The following CIROZ variants were observed in gnomAD, a reference collection of about 807,000 sequenced individuals.
The protein encoded by CIROZ is ciliated left-right organizer ZP-N domains-containing protein.
the CIROZ span, among the ~76,000 whole-genome samples, chr1:10,968,530 G>A: frequency 6.6e-6 from 1 of 152,324 alleles, no homozygotes; most frequent in Non-Finnish European, 1.5e-5. Flanking sequence ...AAGGTAGCTC[G>A]CTGGGGAAAT....
chr1:10,981,931 A>C, the CIROZ span: 4 of 1,490,916 alleles, frequency 2.7e-6, no homozygotes, highest in Non-Finnish European at 3.6e-6. Context: ...TTCTGATGGA[A>C]GATATTTGGC....
the CIROZ span, chr1:10,948,213 A>G: frequency 1.2e-6 from 2 of 1,613,878 alleles, no homozygotes; most frequent in Non-Finnish European, 1.7e-6. Context: ...TGAAAGGTCC[A>G]TGTGCCCCCT....
At chr1:10,962,413 C>T in the CIROZ span, among the ~76,000 whole-genome samples, 1 of 152,208 alleles carries the variant, frequency 6.6e-6, no homozygotes, top group Non-Finnish European at 1.5e-5. Flanking sequence ...CGCCACTGCA[C>T]TCCAGCCTGG....
At chr1:10,981,506 GGGAA>G in the CIROZ span, among the ~76,000 whole-genome samples, 23 of 151,030 alleles carry the variant, frequency 1.5e-4, no homozygotes, top group African/African-American at 5.4e-4. Context: ...AGAAAGGAAA[GGGAA>G]GGAAGGAAGG....
the CIROZ span, chr1:10,949,428 C>T: frequency 1.4e-6 from 1 of 691,126 alleles, no homozygotes; most frequent in Admixed American, 2.8e-5. Context: ...CAGGTGGGAG[C>T]TCTTGGGGGC....
chr1:10,982,016 C>G, the CIROZ span: 5 of 1,537,234 alleles, frequency 3.3e-6, no homozygotes, highest in Non-Finnish European at 3.5e-6. Context: ...ACTTACCAGG[C>G]AAGTGCTGGG....
the CIROZ span, among the ~76,000 whole-genome samples, chr1:10,966,858 T>G: frequency 2.0e-5 from 3 of 151,970 alleles, no homozygotes; most frequent in Admixed American, 6.6e-5. Flanking sequence ...CTCAAACCTC[T>G]TCATTGCCGG....
the CIROZ span, among the ~76,000 whole-genome samples, chr1:10,976,919 G>A: frequency 6.6e-6 from 1 of 152,284 alleles, no homozygotes; most frequent in African/African-American, 2.4e-5. Flanking sequence ...ACTTTGGGAT[G>A]CTGAGGCAGC....
At chr1:10,967,298 A>G in the CIROZ span, among the ~76,000 whole-genome samples, 1 of 149,932 alleles carries the variant, frequency 6.7e-6, no homozygotes, top group Non-Finnish European at 1.5e-5. Flanking sequence ...ACCCACTGCT[A>G]TTTCTCAATC....
At chr1:10,968,019 G>A in the CIROZ span, among the ~76,000 whole-genome samples, 6 of 151,808 alleles carry the variant, frequency 4.0e-5, no homozygotes, top group South Asian at 2.1e-4. Context: ...TTCGTTCGGC[G>A]CGGTGGGGGG....
the CIROZ span, chr1:10,976,299 G>A: frequency 5.6e-6 from 7 of 1,253,500 alleles, no homozygotes; most frequent in Non-Finnish European, 6.7e-6. Context: ...GCACCGCCCA[G>A]CTGCTGCCTC....
chr1:10,970,081 A>G, the CIROZ span: 2 of 1,529,678 alleles, frequency 1.3e-6, no homozygotes, highest in Non-Finnish European at 1.7e-6. Flanking sequence ...GTCCAACAAG[A>G]AGATGCTTCT....
At chr1:10,961,704 G>A in the CIROZ span, among the ~76,000 whole-genome samples, 10 of 152,210 alleles carry the variant, frequency 6.6e-5, no homozygotes, top group Admixed American at 6.5e-4. Context: ...AGCATTTTGG[G>A]AGGCCAAGGC....
At chr1:10,963,995 A>T in the CIROZ span, 1 of 1,116,418 alleles carries the variant, frequency 9.0e-7, no homozygotes. Flanking sequence ...GCCATACTGC[A>T]TCTGCAGCTA....
the CIROZ span, among the ~76,000 whole-genome samples, chr1:10,980,373 C>T: frequency 6.6e-6 from 1 of 152,254 alleles, no homozygotes; most frequent in African/African-American, 2.4e-5. Context: ...TGTGGCGAGC[C>T]TCTCCCATGG....
At chr1:10,957,064 C>T in the CIROZ span, 2 of 1,550,826 alleles carry the variant, frequency 1.3e-6, no homozygotes, top group South Asian at 1.2e-5. Flanking sequence ...ATGGTGACCG[C>T]TCACCAGCCA....
the CIROZ span, chr1:10,948,754 G>A: frequency 3.9e-6 from 6 of 1,540,276 alleles, no homozygotes; most frequent in Non-Finnish European, 4.4e-6. Context: ...TGGGGACCTC[G>A]CTGAGCTTGC....
chr1:10,975,422 A>C, the CIROZ span, among the ~76,000 whole-genome samples: 9 of 149,576 alleles, frequency 6.0e-5, no homozygotes, highest in Admixed American at 3.3e-4. Flanking sequence ...AAAAAAAAAA[A>C]AAAAAAAAAC....
At chr1:10,947,929 A>C in the CIROZ span, 1 of 1,613,570 alleles carries the variant, frequency 6.2e-7, no homozygotes, top group Non-Finnish European at 8.5e-7. Context: ...CCAGGGGCTG[A>C]CTCCAGGTAT....
Sources: gnomAD v4.1 joint callset for allele counts (sites outside exome capture counted in the v4.1 genomes callset) on GRCh38, gnomAD v4.1.1 for gene constraint, MANE v1.5 for transcripts, NCBI Gene and HGNC (gene_info 2026-07-23, HGNC 2026-07-21) for gene names.